ATP8A1: variants seen among roughly 807,000 people sequenced by gnomAD.
ATP8A1 encodes ATPase phospholipid transporting 8A1.
Under a neutral mutation model 177.7 loss-of-function variants are expected in ATP8A1, and 90 were observed. The ratio of observed to expected loss-of-function variants is 0.51; its 90% CI spans 0.43 to 0.60. The LOEUF (loss-of-function observed/expected upper bound fraction) is 0.60, where lower values mean the gene tolerates loss of function less well. Ranked by LOEUF, ATP8A1 falls within the 20% of genes least tolerant of loss-of-function variation. The pLI, the probability that ATP8A1 is intolerant of heterozygous loss-of-function variation, is 0.00. For synonymous variants in ATP8A1, 493 were observed against 485.9 expected, an observed-to-expected ratio of 1.01 and a Z score of -0.19; for missense variants, 1,072 against 1,392.8, an observed-to-expected ratio of 0.77 and a Z score of 3.67.
intron 20 of ATP8A1, among the ~76,000 whole-genome samples, chr4:42,531,828 A>C (rs1157036681): frequency 6.6e-6 from 1 of 152,134 alleles, no homozygotes; most frequent in Non-Finnish European, 1.5e-5. Flanking sequence ...AAAAAACATA[A>C]AATACCAGGG....
chr4:42,518,673 G>T (rs1725814291), intron 22 of ATP8A1, among the ~76,000 whole-genome samples: 1 of 152,170 alleles, frequency 6.6e-6, no homozygotes, highest in Non-Finnish European at 1.5e-5. Context: ...GACATGCTAA[G>T]TCCAATAATG....
chr4:42,625,304 A>G (rs1382975543), intron 3 of ATP8A1: 1 of 193,160 alleles, frequency 5.2e-6, no homozygotes, highest in South Asian at 1.9e-4. Flanking sequence ...AACTTCTTGC[A>G]TTCTAAGGTT....
chr4:42,576,416 C>CA (rs899095489), intron 12 of ATP8A1, among the ~76,000 whole-genome samples: 2 of 128,154 alleles, frequency 1.6e-5, no homozygotes, highest in African/African-American at 2.9e-5. Context: ...GCAAAGCTCG[C>CA]AGTGAGCCTA....
intron 14 of ATP8A1, among the ~76,000 whole-genome samples, chr4:42,571,629 T>C (rs1349951868): frequency 6.6e-6 from 1 of 152,190 alleles, no homozygotes; most frequent in African/African-American, 2.4e-5. Flanking sequence ...TTAGCTGAAA[T>C]GATACTTTAA....
chr4:42,595,246 T>A (rs1734610328), intron 6 of ATP8A1, among the ~76,000 whole-genome samples: 1 of 152,160 alleles, frequency 6.6e-6, no homozygotes, highest in African/African-American at 2.4e-5. Context: ...CCCTCCCTAC[T>A]TTTCCTTGAA....
chr4:42,616,820 C>G (rs1355999780), intron 4 of ATP8A1, among the ~76,000 whole-genome samples: 1 of 152,154 alleles, frequency 6.6e-6, no homozygotes, highest in East Asian at 1.9e-4. Flanking sequence ...GAAGAAGAAA[C>G]AGAAGGTCAG....
At chr4:42,462,350 G>A (rs1719263161) in intron 27 of ATP8A1, among the ~76,000 whole-genome samples, 1 of 152,236 alleles carries the variant, frequency 6.6e-6, no homozygotes, top group Admixed American at 6.5e-5. Flanking sequence ...GTACACTCGT[G>A]CTGTGTGCAG....
At position 42,410,266 on chromosome 4, in the gene ATP8A1, T is replaced by A. The variant is rs1712435734; in HGVS notation, c.*2650A>T. On this transcript the variant is annotated 3_prime_UTR_variant, in exon 37 of 37. Coordinates refer to ENST00000381668, the MANE Select transcript of ATP8A1 (RefSeq NM_006095.2). ...ACATTAAAGAAGCAACTTCCAGCTTTTCAATGCTAAATGAATGAGGATTTT... is the reference window on the plus strand; with the variant it reads ...ACATTAAAGAAGCAACTTCCAGCTTATCAATGCTAAATGAATGAGGATTTT... 1.3e-5 allele frequency: 2 copies of A among 152,206 alleles called. No homozygotes were observed. Among genetic ancestry groups the A allele is most frequent in the South Asian group, 4.1e-4 (2 of 4,828 alleles). The allele number at this position is 152,206 out of a possible 1,614,324, so 9.4% of individuals were successfully genotyped here.
intron 20 of ATP8A1, among the ~76,000 whole-genome samples, chr4:42,543,097 C>T (rs1407167076): frequency 6.6e-6 from 1 of 152,074 alleles, no homozygotes; most frequent in Non-Finnish European, 1.5e-5. Context: ...AATAATTCTA[C>T]CAAAATGCTT....
At chr4:42,597,277 A>G (rs1016340333) in intron 6 of ATP8A1, among the ~76,000 whole-genome samples, 4 of 152,188 alleles carry the variant, frequency 2.6e-5, no homozygotes, top group African/African-American at 9.6e-5. Context: ...TATTGATTTT[A>G]TTTTTAATTG....
At chr4:42,542,751 G>T (rs978362741) in intron 20 of ATP8A1, among the ~76,000 whole-genome samples, 1 of 152,094 alleles carries the variant, frequency 6.6e-6, no homozygotes, top group South Asian at 2.1e-4. Context: ...CCATGTCCCT[G>T]CAAAGGACAT....
At chr4:42,562,752 A>T (rs1481035676) in intron 15 of ATP8A1, among the ~76,000 whole-genome samples, 2 of 152,136 alleles carry the variant, frequency 1.3e-5, no homozygotes, top group East Asian at 3.9e-4. Flanking sequence ...CGTGACAGTG[A>T]ATATATTTCA....
At chr4:42,635,110 A>G (rs1278796152) in intron 1 of ATP8A1, among the ~76,000 whole-genome samples, 1 of 152,202 alleles carries the variant, frequency 6.6e-6, no homozygotes, top group Non-Finnish European at 1.5e-5. Flanking sequence ...ATCAATATAG[A>G]CAGCAAAATA....
At chr4:42,548,258 C>T (rs560416004) in intron 19 of ATP8A1, among the ~76,000 whole-genome samples, 12 of 152,232 alleles carry the variant, frequency 7.9e-5, no homozygotes, top group East Asian at 3.9e-4. Context: ...ATTAGAATGC[C>T]GGCTTCCTGA....
intron 11 of ATP8A1, among the ~76,000 whole-genome samples, chr4:42,578,596 T>G (rs750387076): frequency 3.3e-5 from 5 of 152,112 alleles, no homozygotes; most frequent in Admixed American, 2.0e-4. Flanking sequence ...AGGTAAGAGC[T>G]GTATAAAAGT....
rs115606418 is a variant in ATP8A1 at position 42,598,250 on chromosome 4, G to A, written c.450+2228C>T. Among the ~76,000 whole-genome samples, 461 of 152,112 alleles carry A rather than the reference G, an allele frequency of 3.0e-3. 5 individuals carry two copies. Among genetic ancestry groups the A allele is most frequent in the African/African-American group, 0.011 (439 of 41,526 alleles). On this transcript the variant is annotated intron_variant, in intron 6 of 36. Coordinates refer to ENST00000381668, the MANE Select transcript of ATP8A1 (RefSeq NM_006095.2). The stretch of plus-strand genomic sequence containing the variant: ...GTGACTTAGATATAAATATTCAAAT[G>A]CTATTTCTTAAAACTGCTAATCTGT...
chr4:42,558,623 CT>C (rs773554997), intron 15 of ATP8A1, among the ~76,000 whole-genome samples: 3 of 151,950 alleles, frequency 2.0e-5, no homozygotes, highest in South Asian at 2.1e-4. Context: ...TGTACTAAGA[CT>C]TTTTTTTAAA....
At chr4:42,592,230 C>T (rs1029195681) in intron 6 of ATP8A1, among the ~76,000 whole-genome samples, 3 of 152,142 alleles carry the variant, frequency 2.0e-5, no homozygotes, top group Non-Finnish European at 2.9e-5. Flanking sequence ...GGAAGTTAAT[C>T]GCTGTGGAGA....
chr4:42,443,306 A>G (rs1394737220), intron 33 of ATP8A1, among the ~76,000 whole-genome samples: 1 of 152,224 alleles, frequency 6.6e-6, no homozygotes, highest in African/African-American at 2.4e-5. Context: ...AACGAGATTC[A>G]AGCTCCCGAC....
Sources: gnomAD v4.1 joint callset for allele counts (sites outside exome capture counted in the v4.1 genomes callset) on GRCh38, gnomAD v4.1.1 for gene constraint, MANE v1.5 for transcripts, NCBI Gene and HGNC (gene_info 2026-07-23, HGNC 2026-07-21) for gene names.